KIT: variants seen among roughly 807,000 people sequenced by gnomAD.
KIT encodes mast/stem cell growth factor receptor Kit.
KIT carries 16 observed loss-of-function variants against 105.7 expected under a neutral mutation model. That is an observed-to-expected ratio of 0.15 (90% confidence interval 0.10 to 0.23). The LOEUF is 0.23. KIT is among the 10% of genes least tolerant of loss of function. KIT has a pLI of 1.00. For missense variants in KIT, 858 were observed against 1,213.8 expected (o/e 0.71, Z 4.36); for synonymous variants, 438 against 441.1 (o/e 0.99, Z 0.09).
At chr4:54,729,873 C>T (rs1157139237) in intron 14 of KIT, among the ~76,000 whole-genome samples, 1 of 152,126 alleles carries the variant, frequency 6.6e-6, no homozygotes, top group Non-Finnish European at 1.5e-5. Flanking sequence ...TCTCAAGTTG[C>T]CACAGTAAAG....
chr4:54,665,678 AGGAGG>A (rs1717639870), intron 1 of KIT, among the ~76,000 whole-genome samples: 1 of 152,278 alleles, frequency 6.6e-6, no homozygotes, highest in South Asian at 2.1e-4. Flanking sequence ...TAAAGCCAAG[AGGAGG>A]GGTGGCCTAT....
At chr4:54,702,546 C>T (rs73818387) in intron 4 of KIT, among the ~76,000 whole-genome samples, 23,179 of 151,908 alleles carry the variant, frequency 0.15, 2,416 homozygotes, top group African/African-American at 0.29. Context: ...TTCCCCTATG[C>T]ATATGTATTA....
chr4:54,722,289 C>CAAG (rs1009802332), intron 7 of KIT, among the ~76,000 whole-genome samples: 2 of 152,118 alleles, frequency 1.3e-5, no homozygotes, highest in Admixed American at 6.5e-5. Flanking sequence ...CCGTGCCCAG[C>CAAG]AATAATAATA....
chr4:54,703,693 A>ATTTTTTTT (rs544780604), intron 4 of KIT, 31 bp from the exon 5 acceptor site: 1 of 1,560,098 alleles, frequency 6.4e-7, no homozygotes. Flanking sequence ...GGTAATCTTC[A>ATTTTTTTT]TTTTTTTTTC....
intron 6 of KIT, among the ~76,000 whole-genome samples, chr4:54,708,799 C>T (rs1363088027): frequency 1.3e-5 from 2 of 152,092 alleles, no homozygotes; most frequent in East Asian, 3.9e-4. Context: ...GACACATGTA[C>T]ATCGGAGCCC....
At chr4:54,726,214 T>C (rs1722209006) in intron 9 of KIT, among the ~76,000 whole-genome samples, 164 bp downstream of exon 9, 1 of 152,216 alleles carries the variant, frequency 6.6e-6, no homozygotes, top group South Asian at 2.1e-4. Context: ...ACTAGCTTGT[T>C]AAGTATATGC....
chr4:54,707,940 G>A (rs1284890415), intron 6 of KIT, among the ~76,000 whole-genome samples: 1 of 152,224 alleles, frequency 6.6e-6, no homozygotes, highest in Middle Eastern at 3.4e-3. Flanking sequence ...AAGACCGAAC[G>A]GCTAATAAGG....
intron 1 of KIT, among the ~76,000 whole-genome samples, chr4:54,692,661 C>A (rs554259399): frequency 6.6e-6 from 1 of 152,306 alleles, no homozygotes; most frequent in Admixed American, 6.5e-5. Context: ...AATAGCATCT[C>A]TATTGCTGCC....
intron 7 of KIT, among the ~76,000 whole-genome samples, chr4:54,711,907 C>A (rs111916905): frequency 7.2e-6 from 1 of 138,796 alleles, no homozygotes; most frequent in African/African-American, 2.7e-5. Context: ...CCAGCCTGGG[C>A]GACTGAACGA....
intron 1 of KIT, among the ~76,000 whole-genome samples, chr4:54,671,853 A>AT (rs1718131458): frequency 1.3e-5 from 2 of 152,188 alleles, no homozygotes; most frequent in African/African-American, 4.8e-5. Context: ...AACACTTACC[A>AT]ATACGGCCTC....
chr4:54,736,725 C>G lies in KIT; in HGVS notation c.2601C>G (p.Ser867Arg), dbSNP rs143074839. The G allele has an allele frequency of 9.9e-6, 16 of 1,613,836 alleles. No individual in the cohort carries two copies. Among genetic ancestry groups the G allele is most frequent in the Non-Finnish European group, 1.4e-5 (16 of 1,179,814 alleles). The change falls in exon 19 of 21, where the codon AGC (serine) becomes AGG (arginine). Residue 867 changes from serine to arginine, a missense_variant. Around this residue, in one of 7 missense-constraint regions of KIT, gnomAD observed 63 missense variants for 137.4 expected, o/e 0.46. Transcript: ENST00000288135. ...IFLWELFSLGSSPYPGMPVDS... is the reference protein window; with the variant it reads ...IFLWELFSLGRSPYPGMPVDS... ...GCTTTGCAAACTGTGTCTCAGGAAG[C>G]AGCCCCTATCCTGGAATGCCGGTCG...
intron 17 of KIT, chr4:54,733,522 G>A: frequency 3.4e-6 from 1 of 297,216 alleles, no homozygotes. Context: ...GAAGGTCACA[G>A]CAGGAGAAAT....
intron 17 of KIT, chr4:54,733,469 C>A: frequency 2.8e-6 from 1 of 356,892 alleles, no homozygotes; most frequent in South Asian, 2.6e-5. Context: ...CTGAGAATAG[C>A]AATGAACTTG....
At chr4:54,700,530 C>G (rs1227634356) in intron 4 of KIT, among the ~76,000 whole-genome samples, 1 of 152,154 alleles carries the variant, frequency 6.6e-6, no homozygotes, top group East Asian at 1.9e-4. Flanking sequence ...AAATACTTTG[C>G]TTTAAACTTC....
chr4:54,664,633 G>C (rs1420509457), intron 1 of KIT, among the ~76,000 whole-genome samples: 1 of 150,724 alleles, frequency 6.6e-6, no homozygotes, highest in African/African-American at 2.4e-5. Context: ...TTATGAGACA[G>C]GGTCTTGCTC....
At chr4:54,721,458 G>A (rs1032384347) in intron 7 of KIT, among the ~76,000 whole-genome samples, 1 of 152,224 alleles carries the variant, frequency 6.6e-6, no homozygotes, top group Non-Finnish European at 1.5e-5. Flanking sequence ...TTCGCAAGAC[G>A]ATGGCTTGTC....
Position 54,709,553 on chromosome 4 carries a change from AG to A in KIT, c.1231+17del. The A allele has an allele frequency of 4.8e-6, 7 of 1,473,232 alleles. No individual in the cohort carries two copies. The highest frequency in any genetic ancestry group is 5.7e-6 in the Non-Finnish European group (6 of 1,051,466). 91.3% of individuals were successfully genotyped at this position (1,473,232 alleles called of 1,614,324 possible). ...TTTATGTGAATAGTAAGTAACATGA[AG>A]GGCTCCTTTTAATTTTTTATTCTTT... On this transcript the variant is annotated intron_variant, in intron 7 of 20. Coordinates refer to ENST00000288135, the MANE Select transcript of KIT (RefSeq NM_000222.3).
chr4:54,730,645 T>C (rs1337353138), intron 14 of KIT, among the ~76,000 whole-genome samples: 1 of 152,164 alleles, frequency 6.6e-6, no homozygotes, highest in Non-Finnish European at 1.5e-5. Context: ...TCTGATATAA[T>C]GGCCTAAATT....
chr4:54,662,381 C>G (rs761682639), intron 1 of KIT, among the ~76,000 whole-genome samples: 1 of 152,134 alleles, frequency 6.6e-6, no homozygotes, highest in Non-Finnish European at 1.5e-5. Context: ...CTGTGACTTT[C>G]GGCAGATTAC....
Sources: gnomAD v4.1 joint callset for allele counts (sites outside exome capture counted in the v4.1 genomes callset) on GRCh38, gnomAD v4.1.1 for gene constraint, gnomAD v4.1.1 regional missense constraint, MANE v1.5 for transcripts, NCBI Gene and HGNC (gene_info 2026-07-23, HGNC 2026-07-21) for gene names.